Variants in GRIA1 observed in about 807,000 individuals in gnomAD.
The protein encoded by GRIA1 is glutamate ionotropic receptor AMPA type subunit 1.
GRIA1 carries 31 observed loss-of-function variants against 99.2 expected under a neutral mutation model. The ratio of observed to expected loss-of-function variants is 0.31; its 90% confidence interval spans 0.23 to 0.42. The LOEUF (loss-of-function observed/expected upper bound fraction) is 0.42, where lower values mean the gene tolerates loss of function less well. GRIA1 is among the 10% of genes least tolerant of loss of function. The probability of loss-of-function intolerance (pLI) is 1.00; values close to 1 mark genes in which losing one functional copy is unlikely to be tolerated. For missense variants in GRIA1, 782 were observed against 1,157.5 expected (o/e 0.68, Z 4.71); for synonymous variants, 438 against 432.4 (o/e 1.01, Z -0.16).
At chr5:153,670,975 G>A (rs1414972990) in intron 5 of GRIA1, among the ~76,000 whole-genome samples, 1 of 152,140 alleles carries the variant, frequency 6.6e-6, no homozygotes, top group Non-Finnish European at 1.5e-5. Flanking sequence ...GAAGATGTCA[G>A]CTATTAGATG....
At chr5:153,624,895 A>C (rs1483653397) in intron 2 of GRIA1, among the ~76,000 whole-genome samples, 1 of 152,224 alleles carries the variant, frequency 6.6e-6, no homozygotes. Flanking sequence ...AGTCCATGTT[A>C]AATGGAAGGA....
intron 2 of GRIA1, among the ~76,000 whole-genome samples, chr5:153,514,529 A>G (rs1756423435): frequency 6.6e-6 from 1 of 152,190 alleles, no homozygotes; most frequent in African/African-American, 2.4e-5. Flanking sequence ...TCAGCTGTCT[A>G]TCCTATTCCA....
intron 13 of GRIA1, among the ~76,000 whole-genome samples, chr5:153,775,094 T>A (rs1221015777): frequency 2.6e-5 from 4 of 152,220 alleles, no homozygotes; most frequent in African/African-American, 9.7e-5. Context: ...AATTGGTAAA[T>A]CCACTAATTA....
intron 5 of GRIA1, among the ~76,000 whole-genome samples, chr5:153,669,480 A>G (rs1755989896): frequency 1.3e-5 from 2 of 152,180 alleles, no homozygotes; most frequent in African/African-American, 4.8e-5. Flanking sequence ...AAAGACCATA[A>G]CAAAGCTTCA....
chr5:153,586,494 C>T (rs1763493480), intron 2 of GRIA1, among the ~76,000 whole-genome samples: 1 of 152,212 alleles, frequency 6.6e-6, no homozygotes, highest in Non-Finnish European at 1.5e-5. Context: ...TCCAGAGTCT[C>T]TTCTCTAAAT....
chr5:153,596,237 T>C (rs967566332), intron 2 of GRIA1, among the ~76,000 whole-genome samples: 4 of 152,248 alleles, frequency 2.6e-5, no homozygotes, highest in Non-Finnish European at 4.4e-5. Context: ...CTATTCTTTT[T>C]GGAATGTTTA....
chr5:153,794,433 A>G (rs1009502046), intron 13 of GRIA1, among the ~76,000 whole-genome samples, 188 bp from the exon 14 acceptor site: 13 of 152,182 alleles, frequency 8.5e-5, no homozygotes, highest in African/African-American at 3.1e-4. Flanking sequence ...ATGGGAGTCA[A>G]TGATGGAGAC....
At chr5:153,768,722 G>T (rs75039873) in intron 12 of GRIA1, among the ~76,000 whole-genome samples, 8,434 of 152,174 alleles carry the variant, frequency 0.055, 316 homozygotes, top group South Asian at 0.086. Flanking sequence ...AGAAAAAAGT[G>T]ATATGCTGCA....
intron 2 of GRIA1, among the ~76,000 whole-genome samples, chr5:153,610,253 C>T (rs1290682630): frequency 2.6e-5 from 4 of 152,122 alleles, no homozygotes; most frequent in Non-Finnish European, 5.9e-5. Flanking sequence ...AAGCAACTGC[C>T]AGCATAAGGA....
intron 11 of GRIA1, among the ~76,000 whole-genome samples, chr5:153,763,580 A>G (rs1028455900): frequency 2.0e-5 from 3 of 152,224 alleles, no homozygotes; most frequent in Admixed American, 1.3e-4. Flanking sequence ...ACTGCTTACC[A>G]CATAAAATCA....
At chr5:153,548,201 G>A (rs1413883136) in intron 2 of GRIA1, among the ~76,000 whole-genome samples, 1 of 152,118 alleles carries the variant, frequency 6.6e-6, no homozygotes, top group Non-Finnish European at 1.5e-5. Context: ...CAGAATTCAT[G>A]TTGTATTAGA....
At chr5:153,776,858 T>C (rs1420491787) in intron 13 of GRIA1, among the ~76,000 whole-genome samples, 2 of 152,200 alleles carry the variant, frequency 1.3e-5, no homozygotes, top group African/African-American at 4.8e-5. Flanking sequence ...ACTGGGACGA[T>C]AAAACATGCT....
chr5:153,561,618 A>G (rs1581232521), intron 2 of GRIA1, among the ~76,000 whole-genome samples: 2 of 152,334 alleles, frequency 1.3e-5, no homozygotes, highest in African/African-American at 4.8e-5. Flanking sequence ...AATGGGGGAA[A>G]AAAAGCTTTT....
At chr5:153,743,928 C>T (rs6890057) in intron 11 of GRIA1, among the ~76,000 whole-genome samples, 27,061 of 152,084 alleles carry the variant, frequency 0.18, 2,613 homozygotes, top group Middle Eastern at 0.29. Context: ...GGTTAAGGTC[C>T]AATGGCAGAG....
chr5:153,717,052 C>T (rs569934598), intron 11 of GRIA1, among the ~76,000 whole-genome samples: 4 of 152,218 alleles, frequency 2.6e-5, no homozygotes, highest in Non-Finnish European at 4.4e-5. Flanking sequence ...GGTTGTGCTA[C>T]GACCTAGAGA....
chr5:153,563,897 C>T (rs1761384735), intron 2 of GRIA1, among the ~76,000 whole-genome samples: 1 of 152,104 alleles, frequency 6.6e-6, no homozygotes, highest in Admixed American at 6.5e-5. Context: ...TTGTTGAGGA[C>T]ATGAAATGTT....
chr5:153,505,215 T>C (rs748537616), intron 2 of GRIA1, among the ~76,000 whole-genome samples: 2 of 152,168 alleles, frequency 1.3e-5, no homozygotes, highest in Admixed American at 6.5e-5. Flanking sequence ...ACTGTAATGA[T>C]TGAAAAGTGG....
At chr5:153,601,279 A>G (rs1299698857) in intron 2 of GRIA1, among the ~76,000 whole-genome samples, 2 of 152,368 alleles carry the variant, frequency 1.3e-5, no homozygotes, top group African/African-American at 4.8e-5. Flanking sequence ...ATAACTCATA[A>G]GTGGTAAATA....
intron 6 of GRIA1, 143 bp downstream of exon 6, chr5:153,674,804 G>A: frequency 1.1e-6 from 1 of 896,820 alleles, no homozygotes; most frequent in Non-Finnish European, 1.7e-6. Context: ...AGATTATTAG[G>A]TACAAGGTGC....
Sources: gnomAD v4.1 joint callset for allele counts (sites outside exome capture counted in the v4.1 genomes callset) on GRCh38, gnomAD v4.1.1 for gene constraint, MANE v1.5 for transcripts, NCBI Gene and HGNC (gene_info 2026-07-23, HGNC 2026-07-21) for gene names.